Variants in COL19A1 observed in about 807,000 individuals in gnomAD.
The protein encoded by COL19A1 is collagen alpha-1(XIX) chain.
COL19A1 carries 159 observed loss-of-function variants against 190.2 expected under a neutral mutation model. The observed-to-expected ratio is 0.84, with a 90% confidence interval of 0.73 to 0.95. The LOEUF (loss-of-function observed/expected upper bound fraction) is 0.95. Among genes scored for constraint, COL19A1 ranks in the 40% least tolerant of loss-of-function variants. The pLI is 0.00. For synonymous variants in COL19A1, 509 were observed against 458.9 expected, an observed-to-expected ratio of 1.11 and a Z score of -1.39; for missense variants, 1,418 against 1,431.9, an observed-to-expected ratio of 0.99 and a Z score of 0.16.
intron 14 of COL19A1, among the ~76,000 whole-genome samples, chr6:70,043,881 T>A (rs1779765368): frequency 6.6e-6 from 1 of 152,216 alleles, no homozygotes; most frequent in Non-Finnish European, 1.5e-5. Context: ...AGAGAGTTAG[T>A]CTTTCCTGTG....
At position 70,168,321 on chromosome 6, in the gene COL19A1, C is replaced by T. The variant is rs1311357056; in HGVS notation, c.2541+106C>T. The T allele has an allele frequency of 1.1e-5, 13 of 1,156,572 alleles. No individual in the cohort carries two copies. In the Admixed American group the frequency reaches 2.3e-4, roughly 20 times the overall value. The allele number at this position is 1,156,572 out of a possible 1,614,324, so 71.6% of individuals were successfully genotyped here. A position where few individuals can be genotyped will look rare whatever the true frequency, so the allele number is the denominator to read the frequency against. The stretch of plus-strand genomic sequence containing the variant: ...CACTGAAAAACGCATGTTATGAATA[C>T]AGCCAAATTTTACAGCAGAAGGAAA... On this transcript the variant is annotated intron_variant, in intron 39 of 50. Coordinates refer to ENST00000620364, the MANE Select transcript of COL19A1 (RefSeq NM_001858.6).
chr6:69,954,942 G>A (rs1332283442), intron 9 of COL19A1, among the ~76,000 whole-genome samples: 1 of 152,076 alleles, frequency 6.6e-6, no homozygotes, highest in Non-Finnish European at 1.5e-5. Context: ...CTATATCATT[G>A]TCCTCAATTA....
At chr6:70,021,038 G>C (rs1778387323) in intron 11 of COL19A1, among the ~76,000 whole-genome samples, 1 of 151,980 alleles carries the variant, frequency 6.6e-6, no homozygotes, top group Admixed American at 6.6e-5. Context: ...TTGAATTGTT[G>C]GATATCCCTG....
intron 11 of COL19A1, among the ~76,000 whole-genome samples, chr6:69,980,998 A>G (rs562853747): frequency 6.4e-4 from 98 of 152,334 alleles, no homozygotes; most frequent in African/African-American, 2.1e-3. Flanking sequence ...CTTCTTGAAA[A>G]TCTGACTTAT....
chr6:70,171,634 C>T (rs1765507385), intron 40 of COL19A1, among the ~76,000 whole-genome samples: 1 of 152,110 alleles, frequency 6.6e-6, no homozygotes, highest in Non-Finnish European at 1.5e-5. Context: ...AATTGGCAAA[C>T]TTTATTAAAG....
intron 9 of COL19A1, among the ~76,000 whole-genome samples, chr6:69,958,182 G>A (rs762898640): frequency 5.3e-5 from 8 of 152,108 alleles, no homozygotes; most frequent in Non-Finnish European, 1.2e-4. Context: ...AGAGCACCTG[G>A]TGCATGAGTG....
At chr6:69,868,213 G>A (rs202071917) in intron 1 of COL19A1, among the ~76,000 whole-genome samples, 2 of 148,922 alleles carry the variant, frequency 1.3e-5, no homozygotes, top group South Asian at 2.1e-4. Context: ...AAAAAAAAAA[G>A]AAAGAAAAGA....
At chr6:70,003,568 A>G (rs1252507398) in intron 11 of COL19A1, among the ~76,000 whole-genome samples, 2 of 152,022 alleles carry the variant, frequency 1.3e-5, no homozygotes, top group Non-Finnish European at 1.5e-5. Context: ...TATTGGGTGC[A>G]TATATATTTA....
intron 9 of COL19A1, among the ~76,000 whole-genome samples, chr6:69,941,182 G>A (rs1382727226): frequency 1.3e-5 from 2 of 152,110 alleles, no homozygotes; most frequent in African/African-American, 2.4e-5. Flanking sequence ...ACAGTATGTT[G>A]GAAAGAGTAC....
intron 4 of COL19A1, among the ~76,000 whole-genome samples, chr6:69,924,871 G>A (rs749317658): frequency 2.6e-5 from 4 of 152,118 alleles, no homozygotes; most frequent in African/African-American, 4.8e-5. Context: ...TCTGTTGGCC[G>A]CATAAATGTC....
At chr6:70,080,536 A>G (rs1782184822) in intron 15 of COL19A1, among the ~76,000 whole-genome samples, 2 of 152,130 alleles carry the variant, frequency 1.3e-5, no homozygotes, top group African/African-American at 4.8e-5. Context: ...GAATTCATTT[A>G]TTTTGTTTCA....
chr6:69,924,789 G>A (rs1358289622), intron 4 of COL19A1, among the ~76,000 whole-genome samples: 1 of 152,180 alleles, frequency 6.6e-6, no homozygotes, highest in Non-Finnish European at 1.5e-5. Context: ...TAACTGGTGT[G>A]AGATGGTATC....
intron 9 of COL19A1, among the ~76,000 whole-genome samples, chr6:69,944,602 A>G (rs1434221894): frequency 6.6e-6 from 1 of 152,108 alleles, no homozygotes; most frequent in African/African-American, 2.4e-5. Flanking sequence ...TTAGCTTAGT[A>G]TTGTCTAGGT....
chr6:70,142,505 G>C (rs760859848), intron 22 of COL19A1, among the ~76,000 whole-genome samples: 53 of 152,108 alleles, frequency 3.5e-4, no homozygotes, highest in Non-Finnish European at 5.6e-4. Context: ...AAATTAATGT[G>C]GTGTACTCCC....
At position 70,024,673 on chromosome 6, in the gene COL19A1, GTAGT is replaced by G. The variant is rs200458775; in HGVS notation, c.1080+996_1080+999del. On this transcript the variant is annotated intron_variant, in intron 12 of 50. Transcript: ENST00000620364. ...AAAAAGAAAGACCCTAGTAGTAATA[GTAGT>G]TAATGTTTCTATGTATGTTAACTAA... Among the ~76,000 whole-genome samples the G allele has an allele frequency of 4.7e-3, 706 of 151,774 alleles. 1 individual carries two copies. Among genetic ancestry groups the G allele is most frequent in the Non-Finnish European group, 7.5e-3 (508 of 67,922 alleles).
intron 48 of COL19A1, among the ~76,000 whole-genome samples, chr6:70,197,012 A>T (rs906500787): frequency 6.6e-6 from 1 of 152,212 alleles, no homozygotes; most frequent in Admixed American, 6.5e-5. Context: ...TGCTAAAAAT[A>T]TTAAAAACCA....
chr6:69,944,323 A>G (rs1190051238), intron 9 of COL19A1, among the ~76,000 whole-genome samples: 1 of 152,134 alleles, frequency 6.6e-6, no homozygotes, highest in Non-Finnish European at 1.5e-5. Flanking sequence ...CTGTGAGCCT[A>G]TACATAGAAC....
At chr6:70,180,235 G>A in intron 42 of COL19A1, 77 bp from the exon 43 acceptor site, 2 of 1,533,236 alleles carry the variant, frequency 1.3e-6, no homozygotes, top group Admixed American at 1.7e-5. Flanking sequence ...AAACTCAATT[G>A]GGGTTGGGGG....
chr6:70,137,902 C>T (rs1452161493), intron 19 of COL19A1, among the ~76,000 whole-genome samples, 155 bp downstream of exon 19: 3 of 152,304 alleles, frequency 2.0e-5, no homozygotes, highest in Admixed American at 1.3e-4. Flanking sequence ...ACGCTATGCA[C>T]TAAGTCTCTT....
Sources: allele counts gnomAD v4.1 joint callset (sites outside exome capture counted in the v4.1 genomes callset), GRCh38; gene constraint gnomAD v4.1.1; transcripts MANE v1.5; gene names NCBI Gene and HGNC (gene_info 2026-07-23, HGNC 2026-07-21).